METTL15: variants seen among roughly 807,000 people sequenced by gnomAD.
METTL15 encodes 12S rRNA N(4)-cytidine methyltransferase METTL15.
METTL15 carries 34 observed loss-of-function variants against 38.3 expected under a neutral mutation model. The observed-to-expected ratio is 0.89, with a 90% CI of 0.68 to 1.18. METTL15 has a LOEUF of 1.18. METTL15 is among the 50% of genes most tolerant of loss of function. The pLI is 0.00. For synonymous variants in METTL15, 162 were observed against 170.9 expected, an observed-to-expected ratio of 0.95 and a Z score of 0.41; for missense variants, 438 against 498.4, an observed-to-expected ratio of 0.88 and a Z score of 1.15.
At chr11:28,135,696 G>A (rs924032764) in intron 3 of METTL15, among the ~76,000 whole-genome samples, 1 of 152,204 alleles carries the variant, frequency 6.6e-6, no homozygotes, top group Admixed American at 6.5e-5. Flanking sequence ...ATTGCCGTAA[G>A]TTAAAGAATA....
At chr11:28,209,972 G>T (rs1344310251) in intron 3 of METTL15, among the ~76,000 whole-genome samples, 1 of 151,968 alleles carries the variant, frequency 6.6e-6, no homozygotes, top group Non-Finnish European at 1.5e-5. Flanking sequence ...CACCAATGAA[G>T]TTTACTGAAA....
chr11:28,379,301 C>G (rs1287336496), intron 5 of METTL15, among the ~76,000 whole-genome samples: 1 of 151,976 alleles, frequency 6.6e-6, no homozygotes, highest in Non-Finnish European at 1.5e-5. Flanking sequence ...GGTGAATGAT[C>G]TACTTATTTG....
chr11:28,201,740 T>C (rs1197787531), intron 3 of METTL15, among the ~76,000 whole-genome samples: 2 of 151,484 alleles, frequency 1.3e-5, no homozygotes, highest in Non-Finnish European at 2.9e-5. Context: ...TCAGAGACCA[T>C]ATCTACTTTG....
chr11:28,273,219 C>G (rs576426683), intron 4 of METTL15, among the ~76,000 whole-genome samples: 2 of 152,212 alleles, frequency 1.3e-5, no homozygotes, highest in Non-Finnish European at 2.9e-5. Flanking sequence ...ATGTCTGCAG[C>G]AGACTGATTT....
intron 3 of METTL15, among the ~76,000 whole-genome samples, chr11:28,142,653 G>A (rs1404325339): frequency 6.6e-6 from 1 of 152,156 alleles, no homozygotes; most frequent in Non-Finnish European, 1.5e-5. Context: ...CAGCAAGGAT[G>A]TATGGAAAAA....
chr11:28,490,268 C>T (rs1851483612), intron 6 of METTL15, among the ~76,000 whole-genome samples: 1 of 152,130 alleles, frequency 6.6e-6, no homozygotes, highest in Admixed American at 6.5e-5. Context: ...TAATCCTAAA[C>T]CCCAAGAAGC....
chr11:28,348,682 AT>A (rs1850016965), intron 3 of METTL15, among the ~76,000 whole-genome samples: 1 of 12,188 alleles, frequency 8.2e-5, no homozygotes, highest in African/African-American at 3.2e-4. Flanking sequence ...CTATCCATTT[AT>A]GTATGTATGT....
intron 6 of METTL15, among the ~76,000 whole-genome samples, chr11:28,525,173 C>T (rs1039240366): frequency 6.6e-6 from 1 of 152,112 alleles, no homozygotes; most frequent in Non-Finnish European, 1.5e-5. Flanking sequence ...TTGCAAAGAG[C>T]AAAAGAACAA....
In METTL15 at chr11:28,440,274, T is replaced by C. The variant is rs984315608; in HGVS notation, c.*424+15910T>C. Among the ~76,000 whole-genome samples, 17 of 152,208 alleles carry C rather than the reference T, an allele frequency of 1.1e-4. 1 individual carries two copies. The highest frequency in any genetic ancestry group is 3.9e-4 in the African/African-American group (16 of 41,442). On this transcript the variant is annotated intron_variant and NMD_transcript_variant, in intron 6 of 7. Coordinates refer to the METTL15 transcript ENST00000532947. ...TAAGTAGTTGTACATCTATGTGATA[T>C]CTAGTGCATAATCATTACAATCATG...
intron 6 of METTL15, among the ~76,000 whole-genome samples, chr11:28,309,456 T>A (rs1802171254): frequency 6.6e-6 from 1 of 152,214 alleles, no homozygotes; most frequent in African/African-American, 2.4e-5. Flanking sequence ...TTACCTTTCA[T>A]CTTTACTAAC....
At chr11:28,327,478 A>G (rs907414362) in intron 6 of METTL15, 14 of 152,364 alleles carry the variant, frequency 9.2e-5, no homozygotes, top group African/African-American at 2.4e-4. Context: ...CATATATACT[A>G]GGGGATATAC....
At chr11:28,206,264 C>G (rs940521305) in intron 3 of METTL15, among the ~76,000 whole-genome samples, 1 of 151,364 alleles carries the variant, frequency 6.6e-6, no homozygotes, top group African/African-American at 2.4e-5. Context: ...ATCTTTAATC[C>G]ATCTTGAATT....
At chr11:28,216,199 A>G (rs1852861288) in intron 4 of METTL15, among the ~76,000 whole-genome samples, 1 of 152,152 alleles carries the variant, frequency 6.6e-6, no homozygotes, top group South Asian at 2.1e-4. Flanking sequence ...TGAATTAAAA[A>G]GTAAGAGGAA....
intron 5 of METTL15, among the ~76,000 whole-genome samples, chr11:28,370,387 G>A (rs1013222757): frequency 6.6e-6 from 1 of 151,662 alleles, no homozygotes; most frequent in African/African-American, 2.4e-5. Context: ...CAAATGACAG[G>A]ATTTTATTCT....
intron 1 of METTL15, among the ~76,000 whole-genome samples, chr11:28,109,702 T>C (rs1295626261): frequency 1.3e-5 from 2 of 152,210 alleles, no homozygotes; most frequent in Non-Finnish European, 2.9e-5. Context: ...AGAATAGAAG[T>C]GTTTTAAAGT....
intron 4 of METTL15, among the ~76,000 whole-genome samples, chr11:28,238,765 T>A (rs550814441): frequency 6.6e-6 from 1 of 152,232 alleles, no homozygotes; most frequent in Non-Finnish European, 1.5e-5. Flanking sequence ...CCATTCTTTC[T>A]TAGACTCCCC....
intron 6 of METTL15, among the ~76,000 whole-genome samples, chr11:28,474,935 A>G (rs1043407243): frequency 6.6e-6 from 1 of 152,200 alleles, no homozygotes; most frequent in Non-Finnish European, 1.5e-5. Context: ...CATGGAGGCC[A>G]TAAAGACAAC....
At chr11:28,235,828 A>G (rs1017059516) in intron 4 of METTL15, among the ~76,000 whole-genome samples, 1 of 152,174 alleles carries the variant, frequency 6.6e-6, no homozygotes, top group Non-Finnish European at 1.5e-5. Flanking sequence ...CCCTGGCCAG[A>G]ACTTCCCACA....
chr11:28,279,195 G>A (rs772340243), intron 4 of METTL15, among the ~76,000 whole-genome samples: 3 of 152,096 alleles, frequency 2.0e-5, no homozygotes, highest in Non-Finnish European at 2.9e-5. Flanking sequence ...CTGGTGAATT[G>A]TATTTTGATA....
Sources: allele counts gnomAD v4.1 joint callset (sites outside exome capture counted in the v4.1 genomes callset), GRCh38; gene constraint gnomAD v4.1.1; transcripts MANE v1.5; gene names NCBI Gene and HGNC (gene_info 2026-07-23, HGNC 2026-07-21).